Variants in ST6GAL2 observed in about 807,000 individuals in gnomAD.
ST6GAL2 encodes ST6 beta-galactoside alpha-2,6-sialyltransferase 2, also known as beta-galactoside alpha-2,6-sialyltransferase 2.
ST6GAL2 carries 24 observed loss-of-function variants against 37.5 expected under a neutral mutation model. The ratio of observed to expected loss-of-function variants is 0.64; its 90% CI spans 0.46 to 0.90. The LOEUF is 0.90. ST6GAL2 is among the 40% of genes least tolerant of loss of function. ST6GAL2 has a pLI of 0.00. For missense variants in ST6GAL2, 715 were observed against 712.7 expected, an observed-to-expected ratio of 1.00 and a Z score of -0.04; for synonymous variants, 306 against 295.1, an observed-to-expected ratio of 1.04 and a Z score of -0.38.
rs544693454 is a variant in ST6GAL2, at chr2:106,879,980, C to A, written c.-58+6113G>T. Reference sequence around the variant, plus strand: ...TAGACCAATTACATACTATTATATACACATATAGACCAATTATATACTATT... The same window carrying A: ...TAGACCAATTACATACTATTATATAAACATATAGACCAATTATATACTATT... On this transcript the variant is annotated intron_variant, in intron 1 of 5. Transcript: ENST00000409382. Among the ~76,000 whole-genome samples, 8 of 148,210 alleles carry A rather than the reference C, an allele frequency of 5.4e-5. No homozygotes were observed. In the East Asian group the frequency reaches 1.6e-3, roughly 29 times the overall value.
intron 1 of ST6GAL2, among the ~76,000 whole-genome samples, chr2:106,882,674 G>A (rs1354460010): frequency 1.3e-5 from 2 of 152,192 alleles, no homozygotes; most frequent in Non-Finnish European, 2.9e-5. Flanking sequence ...CTCTGATAAG[G>A]CTGTCTTTCT....
chr2:106,843,678 G>A lies in ST6GAL2; in HGVS notation c.300C>T (p.Ala100=). 6.2e-7 allele frequency: 1 copy of A among 1,613,360 alleles called. No individual in the cohort carries two copies. Among genetic ancestry groups the A allele is most frequent in the South Asian group, 1.1e-5 (1 of 91,082 alleles). The change falls in exon 2 of 6, where the codon GCC becomes GCT. Residue 100 remains alanine (A), a synonymous_variant. Coordinates refer to ENST00000409382, the MANE Select transcript of ST6GAL2 (RefSeq NM_001142351.2). ...TATGTTCAAACCCATCTTGGGACTG[G>A]GCCCATTTCTGCAGGTCTCCAGGCC... ...HAGPGDLQKW[A]QSQDGFEHKE... is the part of the protein sequence containing the mutation.
rs1249271490 is a variant in ST6GAL2, at chr2:106,804,903, A to G, written c.*1775T>C. 6.6e-6 allele frequency: 1 copy of G among 151,920 alleles called. No homozygotes were observed. The highest frequency in any genetic ancestry group is 1.5e-5 in the Non-Finnish European group (1 of 67,988). 9.4% of individuals were successfully genotyped at this position (151,920 alleles called of 1,614,324 possible). A position where few individuals can be genotyped will look rare whatever the true frequency, so the allele number is the denominator to read the frequency against. On this transcript the variant is annotated 3_prime_UTR_variant, in exon 6 of 6. Coordinates refer to ENST00000409382, the MANE Select transcript of ST6GAL2 (RefSeq NM_001142351.2). ...AAAGGAACATGGCTTAACCATGTCT[A>G]TTTAGACATAAGTTAATATATAGGA...
intron 1 of ST6GAL2, among the ~76,000 whole-genome samples, chr2:106,868,419 G>T (rs10779911): frequency 0.62 from 94,380 of 152,030 alleles, 30,492 homozygotes; most frequent in Non-Finnish European, 0.74. Flanking sequence ...TTCATGCACC[G>T]CGCATCTCAG....
chr2:106,816,839 C>G (rs541820681), intron 5 of ST6GAL2, among the ~76,000 whole-genome samples: 56 of 152,294 alleles, frequency 3.7e-4, no homozygotes, highest in African/African-American at 1.3e-3. Flanking sequence ...GAGTCGGAAA[C>G]TCAGTCTTAC....
intron 5 of ST6GAL2, among the ~76,000 whole-genome samples, chr2:106,815,576 G>A (rs1258410084): frequency 6.6e-6 from 1 of 152,142 alleles, no homozygotes; most frequent in Non-Finnish European, 1.5e-5. Context: ...AGTCTTATTT[G>A]ACCTATTATA....
At chr2:106,816,465 A>G (rs1368142998) in intron 5 of ST6GAL2, among the ~76,000 whole-genome samples, 1 of 152,222 alleles carries the variant, frequency 6.6e-6, no homozygotes, top group Non-Finnish European at 1.5e-5. Flanking sequence ...TCAGGTTTCC[A>G]TGATTAATTG....
intron 2 of ST6GAL2, among the ~76,000 whole-genome samples, chr2:106,836,897 T>C (rs1209701772): frequency 2.8e-5 from 4 of 141,580 alleles, no homozygotes; most frequent in Middle Eastern, 3.9e-3. Context: ...TGAGCCAAGA[T>C]TGCACCATTA....
chr2:106,817,055 A>G (rs1392927173), intron 5 of ST6GAL2, among the ~76,000 whole-genome samples: 1 of 152,240 alleles, frequency 6.6e-6, no homozygotes, highest in Non-Finnish European at 1.5e-5. Context: ...CATCCATCCC[A>G]GTGGTCACAA....
rs1385407425 is a variant in ST6GAL2, at chr2:106,805,544, A to G, written c.*1134T>C. 6.6e-6 allele frequency: 1 copy of G among 152,240 alleles called. No individual in the cohort carries two copies. The highest frequency in any genetic ancestry group is 6.5e-5 in the Admixed American group (1 of 15,288). The allele number at this position is 152,240 out of a possible 1,614,324, so 9.4% of individuals were successfully genotyped here. On this transcript the variant is annotated 3_prime_UTR_variant, in exon 6 of 6. Transcript: ENST00000409382. ...AATTATTTAATTATATGGCTTTGTC[A>G]TGCTGCTGACATAAAACATATCTGC...
At chr2:106,840,881 C>T (rs1285241406) in intron 2 of ST6GAL2, among the ~76,000 whole-genome samples, 6 of 152,190 alleles carry the variant, frequency 3.9e-5, no homozygotes, top group Non-Finnish European at 8.8e-5. Context: ...AAGCAAGTTA[C>T]TGCCTGCTTC....
chr2:106,884,208 T>G (rs1355181737), intron 1 of ST6GAL2, among the ~76,000 whole-genome samples: 1 of 152,190 alleles, frequency 6.6e-6, no homozygotes, highest in East Asian at 1.9e-4. Context: ...GCTGGCTGGA[T>G]TGGCCACAAC....
At chr2:106,840,134 C>G (rs1251282540) in intron 2 of ST6GAL2, among the ~76,000 whole-genome samples, 5 of 152,188 alleles carry the variant, frequency 3.3e-5, no homozygotes, top group Admixed American at 6.5e-5. Context: ...ATAGGTAGGG[C>G]TGATAAGCAG....
At chr2:106,868,214 G>T (rs1470207379) in intron 1 of ST6GAL2, among the ~76,000 whole-genome samples, 1 of 152,172 alleles carries the variant, frequency 6.6e-6, no homozygotes, top group Admixed American at 6.5e-5. Flanking sequence ...CTTTACAGGG[G>T]AAGGAACGGA....
intron 1 of ST6GAL2, among the ~76,000 whole-genome samples, chr2:106,882,515 T>G (rs13424001): frequency 2.0e-5 from 3 of 152,244 alleles, no homozygotes; most frequent in Non-Finnish European, 4.4e-5. Flanking sequence ...TTATTATTCT[T>G]TGAATTACTA....
chr2:106,826,012 G>T (rs1334376957), intron 5 of ST6GAL2, among the ~76,000 whole-genome samples: 2 of 152,170 alleles, frequency 1.3e-5, no homozygotes, highest in Non-Finnish European at 2.9e-5. Context: ...TCTAACTGCC[G>T]CTGGATAATC....
intron 5 of ST6GAL2, 152 bp from the exon 6 acceptor site, chr2:106,807,101 T>A: frequency 1.5e-6 from 1 of 647,528 alleles, no homozygotes; most frequent in Non-Finnish European, 2.6e-6. Context: ...ATAACTTCCA[T>A]TAAGTGGTGT....
chr2:106,806,475 A>AT lies in ST6GAL2; in HGVS notation c.*202dup, dbSNP rs1455690254. 9 of 603,580 alleles carry AT rather than the reference A, an allele frequency of 1.5e-5. No individual in the cohort carries two copies. The highest frequency in any genetic ancestry group is 8.9e-5 in the East Asian group (3 of 33,704). 37.4% of individuals were successfully genotyped at this position (603,580 alleles called of 1,614,324 possible). On this transcript the variant is annotated 3_prime_UTR_variant, in exon 6 of 6. Coordinates refer to ENST00000409382, the MANE Select transcript of ST6GAL2 (RefSeq NM_001142351.2). ...TGGTTTTGCATCTTTCTTGAGCCTT[A>AT]TTTTTTTAAAAAAACCATTTCTATG...
chr2:106,876,316 C>A (rs1678501133), intron 1 of ST6GAL2, among the ~76,000 whole-genome samples: 1 of 152,056 alleles, frequency 6.6e-6, no homozygotes, highest in African/African-American at 2.4e-5. Flanking sequence ...AGATCTAAAG[C>A]ACTGAACAAA....
Sources: allele counts gnomAD v4.1 joint callset (sites outside exome capture counted in the v4.1 genomes callset), GRCh38; gene constraint gnomAD v4.1.1; transcripts MANE v1.5; gene names NCBI Gene and HGNC (gene_info 2026-07-23, HGNC 2026-07-21).